The following SRR variants were observed in gnomAD, a reference collection of about 807,000 sequenced individuals.
SRR encodes serine racemase.
A neutral mutation model predicts 32.7 loss-of-function variants in SRR; 19 were observed. That is an observed-to-expected ratio of 0.58 (90% CI 0.40 to 0.85). The LOEUF (loss-of-function observed/expected upper bound fraction) is 0.85. Ranked by LOEUF, SRR falls within the 40% of genes least tolerant of loss-of-function variation. The pLI is 0.00. For synonymous variants in SRR, 142 were observed against 140.9 expected, an observed-to-expected ratio of 1.01 and a Z score of -0.06; for missense variants, 373 against 404.7, an observed-to-expected ratio of 0.92 and a Z score of 0.67.
intron 2 of SRR, among the ~76,000 whole-genome samples, chr17:2,316,239 AAGTAC>A (rs1379860785): frequency 3.9e-5 from 6 of 152,190 alleles, no homozygotes; most frequent in African/African-American, 1.4e-4. Context: ...GGATTTGTAT[AAGTAC>A]ACTCTATGGT....
chr17:2,310,050 C>T (rs1033569379), intron 1 of SRR: 1 of 152,130 alleles, frequency 6.6e-6, no homozygotes, highest in South Asian at 2.1e-4. Context: ...TCCTGAAGCT[C>T]CATATTCCTC....
rs2075567465 is a variant in SRR at position 2,325,034 on chromosome 17, A to T, written c.*1161A>T. On this transcript the variant is annotated 3_prime_UTR_variant, in exon 8 of 8. Coordinates refer to ENST00000344595, the MANE Select transcript of SRR (RefSeq NM_021947.3). ...ACTTGTACTTCAAGAGAAATGATGTATAACAAAACCATACTTTTTCTCATC... is the reference window on the plus strand; with the variant it reads ...ACTTGTACTTCAAGAGAAATGATGTTTAACAAAACCATACTTTTTCTCATC... 1.6e-6 allele frequency: 1 copy of T among 621,716 alleles called. No individual in the cohort carries two copies. The allele number at this position is 621,716 out of a possible 1,614,324, so 38.5% of individuals were successfully genotyped here.
Position 2,318,010 on chromosome 17 carries a change from C to G in SRR, c.295+14C>G. On this transcript the variant is annotated intron_variant, in intron 3 of 7. Coordinates refer to ENST00000344595, the MANE Select transcript of SRR (RefSeq NM_021947.3). Reference sequence around the variant, plus strand: ...CCAAATTGGAAGGTACTTGATTTCTCAAGGTACTGGGTAGATCTTCAGAAA... The same window carrying G: ...CCAAATTGGAAGGTACTTGATTTCTGAAGGTACTGGGTAGATCTTCAGAAA... The G allele has an allele frequency of 1.2e-6, 2 of 1,610,478 alleles. No individual in the cohort carries two copies. Among genetic ancestry groups the G allele is most frequent in the Non-Finnish European group, 1.7e-6 (2 of 1,177,696 alleles).
In SRR at chr17:2,323,226, A is replaced by T; in HGVS notation, c.685A>T (p.Asn229Tyr). Residue 229 changes from asparagine to tyrosine, a missense_variant, in exon 7 of 8, where the codon AAT becomes TAT. Asn to Tyr is a moderately radical substitution (Grantham distance 143, BLOSUM62 -2). Transcript: ENST00000344595. Reference sequence around the variant, plus strand: ...CAAGCTGAAGGGGAAACTGATGCCCAATCTTTATCCTCCAGAAACCATAGC... The same window carrying T: ...CAAGCTGAAGGGGAAACTGATGCCCTATCTTTATCCTCCAGAAACCATAGC... Reference protein sequence around the residue: ...QSKLKGKLMPNLYPPETIADG... With the variant: ...QSKLKGKLMPYLYPPETIADG... 6.2e-7 allele frequency: 1 copy of T among 1,614,228 alleles called. No homozygotes were observed. The highest frequency in any genetic ancestry group is 2.2e-5 in the East Asian group (1 of 44,884).
At chr17:2,320,417 A>G (rs946081202) in intron 4 of SRR, among the ~76,000 whole-genome samples, 8 of 143,842 alleles carry the variant, frequency 5.6e-5, no homozygotes, top group Admixed American at 2.1e-4. Flanking sequence ...CACCATGCCC[A>G]GCTAATTTTT....
At chr17:2,315,845 T>A in intron 2 of SRR, 117 bp downstream of exon 2, 1 of 1,033,218 alleles carries the variant, frequency 9.7e-7, no homozygotes, top group Non-Finnish European at 1.4e-6. Context: ...TTTATACAGC[T>A]GGAAAAAAGG....
intron 6 of SRR, 113 bp from the exon 7 acceptor site, chr17:2,323,023 C>A (rs2075546341): frequency 8.8e-7 from 1 of 1,141,632 alleles, no homozygotes; most frequent in Non-Finnish European, 1.3e-6. Context: ...CCTCGGGCTC[C>A]CAAAGTGTTG....
In SRR at chr17:2,313,800, ACTGT is replaced by A. The variant is rs2075450826; in HGVS notation, c.-4-1753_-4-1750del. 3.3e-5 allele frequency among the ~76,000 whole-genome samples: 5 copies of A among 152,312 alleles called. No homozygotes were observed. The South Asian group carries it at 1.0e-3, about 32-fold the overall frequency. ...TATGAGATTCATTGATATTCATAAT[ACTGT>A]CTGACAAAAAAAGAAGTTACCAAAC... On this transcript the variant is annotated intron_variant, in intron 1 of 7. Transcript: ENST00000344595.
In SRR at chr17:2,325,057, A is replaced by G. The variant is rs999443598; in HGVS notation, c.*1184A>G. 9 of 602,220 alleles carry G rather than the reference A, an allele frequency of 1.5e-5. No homozygotes were observed. In the African/African-American group the frequency reaches 1.7e-4, roughly 11 times the overall value. 37.3% of individuals were successfully genotyped at this position (602,220 alleles called of 1,614,324 possible). A position where few individuals can be genotyped will look rare whatever the true frequency, so the allele number is the denominator to read the frequency against. On this transcript the variant is annotated 3_prime_UTR_variant, in exon 8 of 8. Coordinates refer to ENST00000344595, the MANE Select transcript of SRR (RefSeq NM_021947.3). The stretch of plus-strand genomic sequence containing the variant: ...GTATAACAAAACCATACTTTTTCTC[A>G]TCAGTTGTTACAAGGAAAGGATGTT...
rs1310319693 is a variant in SRR, at chr17:2,317,959, C to T, written c.258C>T (p.Asn86=). ...CTGTTGTTACTCACAGCAGTGGAAACCATGGCCAGGCTCTCACCTATGCTG... is the reference window on the plus strand; with the variant it reads ...CTGTTGTTACTCACAGCAGTGGAAATCATGGCCAGGCTCTCACCTATGCTG... ...PKAVVTHSSG[N]HGQALTYAAK... Residue 86 remains asparagine, a synonymous_variant, in exon 3 of 8, where the codon AAC becomes AAT. Coordinates refer to ENST00000344595, the MANE Select transcript of SRR (RefSeq NM_021947.3). 2 of 1,613,884 alleles carry T rather than the reference C, an allele frequency of 1.2e-6. No individual in the cohort carries two copies. Among genetic ancestry groups the T allele is most frequent in the Admixed American group, 3.3e-5 (2 of 59,992 alleles).
At chr17:2,305,919 G>A (rs548592531) in intron 1 of SRR, among the ~76,000 whole-genome samples, 1 of 151,422 alleles carries the variant, frequency 6.6e-6, no homozygotes, top group East Asian at 2.0e-4. Context: ...GTCTGGTCTC[G>A]AACTCCTGAC....
intron 3 of SRR, 147 bp downstream of exon 3, chr17:2,318,143 T>G (rs558436777): frequency 1.3e-4 from 129 of 961,644 alleles, no homozygotes; most frequent in East Asian, 2.0e-4. Flanking sequence ...TAAGTTTTTT[T>G]TTTGTTTGTT....
intron 1 of SRR, among the ~76,000 whole-genome samples, chr17:2,308,686 T>G (rs190840607): frequency 6.6e-6 from 1 of 152,190 alleles, no homozygotes; most frequent in East Asian, 1.9e-4. Flanking sequence ...CTGGGCATGG[T>G]GGCACGCTCC....
intron 1 of SRR, among the ~76,000 whole-genome samples, chr17:2,308,576 TG>T (rs2075410268): frequency 1.3e-5 from 2 of 152,310 alleles, no homozygotes; most frequent in African/African-American, 4.8e-5. Context: ...GAAAAATTTT[TG>T]GCTGGGCACG....
chr17:2,323,356 A>T lies in SRR; in HGVS notation c.804+11A>T, dbSNP rs1476183526. The T allele has an allele frequency of 6.2e-7, 1 of 1,613,756 alleles. No individual in the cohort carries two copies. Among genetic ancestry groups the T allele is most frequent in the Non-Finnish European group, 8.5e-7 (1 of 1,179,794 alleles). ...GAGGATGAAATTAAGGTGAGGCTCC[A>T]GCAAGAAAAGAAATAGCAAAGCATG... On this transcript the variant is annotated intron_variant, in intron 7 of 7. Coordinates refer to ENST00000344595, the MANE Select transcript of SRR (RefSeq NM_021947.3).
At chr17:2,320,444 C>G (rs1473403129) in intron 4 of SRR, among the ~76,000 whole-genome samples, 4 of 150,730 alleles carry the variant, frequency 2.7e-5, no homozygotes, top group Admixed American at 2.7e-4. Flanking sequence ...TTAGTACAGA[C>G]AGGGTTTCAC....
intron 1 of SRR, among the ~76,000 whole-genome samples, chr17:2,305,308 GAAA>G (rs2075379075): frequency 6.6e-6 from 1 of 152,180 alleles, no homozygotes; most frequent in African/African-American, 2.4e-5. Context: ...AAAAATAATG[GAAA>G]ACAAGAAAAC....
chr17:2,307,083 T>C (rs2075396844), intron 1 of SRR: 2 of 1,133,104 alleles, frequency 1.8e-6, no homozygotes, highest in South Asian at 2.4e-5. Flanking sequence ...AAAAGATATT[T>C]GTTGGTGGCA....
At chr17:2,307,562 G>C in intron 1 of SRR, 2 of 1,112,254 alleles carry the variant, frequency 1.8e-6, no homozygotes, top group African/African-American at 1.5e-5. Context: ...ACAACAATTA[G>C]TCTTCAATTT....
Sources: gnomAD v4.1 joint callset for allele counts (sites outside exome capture counted in the v4.1 genomes callset) on GRCh38, gnomAD v4.1.1 for gene constraint, MANE v1.5 for transcripts, NCBI Gene and HGNC (gene_info 2026-07-23, HGNC 2026-07-21) for gene names.